The following CUX1 variants were observed in gnomAD, a reference collection of about 807,000 sequenced individuals.
CUX1 encodes cut like homeobox 1, also known as protein CASP.
In CUX1, 31 loss-of-function variants were observed where a neutral mutation model predicts 158.8. The observed-to-expected ratio is 0.20, with a 90% CI of 0.15 to 0.26. The LOEUF is 0.26. Ranked by LOEUF, CUX1 falls within the 10% of genes least tolerant of loss-of-function variation. CUX1 has a pLI of 1.00. For synonymous variants in CUX1, 879 were observed against 862.1 expected (o/e 1.02, Z -0.34); for missense variants, 1,589 against 2,014.6 (o/e 0.79, Z 4.04).
intron 8 of CUX1, among the ~76,000 whole-genome samples, chr7:102,121,325 G>T (rs1271160401): frequency 6.7e-6 from 1 of 149,986 alleles, no homozygotes; most frequent in Non-Finnish European, 1.5e-5. Flanking sequence ...GTGCCACCAT[G>T]CCTGGCTAAT....
At chr7:102,200,756 G>A (rs1263089230) in intron 17 of CUX1, among the ~76,000 whole-genome samples, 5 of 151,830 alleles carry the variant, frequency 3.3e-5, no homozygotes, top group East Asian at 1.9e-4. Flanking sequence ...GAGGTCAGGC[G>A]CGGTGGCTCA....
chr7:102,278,644 TAAA>T (rs1791796087), intron 18 of CUX1, among the ~76,000 whole-genome samples: 2 of 59,770 alleles, frequency 3.3e-5, no homozygotes, highest in Non-Finnish European at 6.5e-5. Flanking sequence ...TAAAATAAAA[TAAA>T]ATAAAATAAA....
intron 1 of CUX1, among the ~76,000 whole-genome samples, chr7:101,856,750 T>C (rs1424404508): frequency 6.6e-6 from 1 of 152,050 alleles, no homozygotes; most frequent in South Asian, 2.1e-4. Flanking sequence ...TCACGAGGAG[T>C]TGACAGGTTT....
Position 101,890,987 on chromosome 7 carries a change from A to AT in CUX1, c.31-25118dup, listed in dbSNP as rs1265923093. 3.4e-4 allele frequency among the ~76,000 whole-genome samples: 48 copies of AT among 143,206 alleles called. 1 individual carries two copies. Among genetic ancestry groups the AT allele is most frequent in the African/African-American group, 8.0e-4 (31 of 38,764 alleles). 93.9% of individuals were successfully genotyped at this position (143,206 alleles called of 152,430 possible). A position where few individuals can be genotyped will look rare whatever the true frequency, so the allele number is the denominator to read the frequency against. ...GTTTAGTGTTAGATCACTTAGCAGG[A>AT]TTTTTTTTTTGAGCGGGGGCGGGGG... is the stretch of plus-strand genomic sequence containing the variant. On this transcript the variant is annotated intron_variant, in intron 1 of 23. Coordinates refer to ENST00000292535, the MANE Select transcript of CUX1 (RefSeq NM_181552.4).
intron 1 of CUX1, among the ~76,000 whole-genome samples, chr7:101,886,149 C>G (rs1800201288): frequency 6.6e-6 from 1 of 152,134 alleles, no homozygotes; most frequent in African/African-American, 2.4e-5. Flanking sequence ...GTCGGTGCCT[C>G]TTAGATGTCT....
chr7:102,201,800 G>C lies in CUX1; in HGVS notation c.2503G>C (p.Ala835Pro), dbSNP rs782292914. Residue 835 changes from alanine to proline, a missense_variant, in exon 18 of 24, where the codon GCC becomes CCC. Transcript: ENST00000292535. This position sits in a 1 kb window ranked among gnomAD's most constrained non-coding sequence, Gnocchi z 5.0. ...WSAVQPERRN[A>P]ASSEEAKAEE... is the part of the protein sequence containing the mutation. ...CGCGGTGCAGCCGGAGAGAAGAAAT[G>C]CCGCCTCCTCCGAGGAGGCCAAGGC... The C allele has an allele frequency of 6.2e-7, 1 of 1,612,842 alleles. No individual in the cohort carries two copies. The highest frequency in any genetic ancestry group is 8.5e-7 in the Non-Finnish European group (1 of 1,179,920).
intron 1 of CUX1, among the ~76,000 whole-genome samples, chr7:101,909,520 G>A (rs1426832359): frequency 1.3e-5 from 2 of 152,178 alleles, no homozygotes; most frequent in Non-Finnish European, 2.9e-5. Flanking sequence ...AAATAAAATG[G>A]TCTTAGGACC....
At chr7:102,110,476 C>T (rs782785227) in intron 6 of CUX1, among the ~76,000 whole-genome samples, 32 of 152,070 alleles carry the variant, frequency 2.1e-4, no homozygotes, top group African/African-American at 7.2e-4. Flanking sequence ...GTTCATGTTA[C>T]GCTCTAGTGT....
chr7:101,996,503 G>GC (rs1218399648), intron 2 of CUX1, among the ~76,000 whole-genome samples: 2 of 152,072 alleles, frequency 1.3e-5, no homozygotes, highest in East Asian at 3.9e-4. Context: ...CATGGAGGGG[G>GC]CCCCGAGCAG....
At chr7:101,880,258 T>C (rs1799576485) in intron 1 of CUX1, among the ~76,000 whole-genome samples, 1 of 152,184 alleles carries the variant, frequency 6.6e-6, no homozygotes, top group Non-Finnish European at 1.5e-5. Context: ...CTCTTCCTGC[T>C]CGTTCACTGT....
intron 1 of CUX1, among the ~76,000 whole-genome samples, chr7:101,851,586 G>A (rs1223363282): frequency 2.0e-5 from 3 of 152,218 alleles, no homozygotes; most frequent in Non-Finnish European, 4.4e-5. Context: ...CCTGCAGAAT[G>A]GGAAAGATTT....
chr7:101,992,377 G>A (rs535413981), intron 2 of CUX1, among the ~76,000 whole-genome samples: 102 of 152,274 alleles, frequency 6.7e-4, no homozygotes, highest in Admixed American at 2.2e-3. Context: ...AAGGTTGAAA[G>A]TGGCCAACTT....
At chr7:101,837,522 T>C (rs1250486485) in intron 1 of CUX1, among the ~76,000 whole-genome samples, 2 of 152,224 alleles carry the variant, frequency 1.3e-5, no homozygotes, top group Admixed American at 1.3e-4. Flanking sequence ...CCAGTTGTTC[T>C]ATCATGTTAA....
At chr7:102,018,857 A>G (rs1249957135) in intron 2 of CUX1, among the ~76,000 whole-genome samples, 1 of 152,204 alleles carries the variant, frequency 6.6e-6, no homozygotes, top group Non-Finnish European at 1.5e-5. Context: ...GAGTGAGGCT[A>G]TCATCACACA....
At chr7:102,162,280 T>C (rs1348440284) in intron 9 of CUX1, among the ~76,000 whole-genome samples, 3 of 152,100 alleles carry the variant, frequency 2.0e-5, no homozygotes, top group Non-Finnish European at 4.4e-5. Context: ...GGAAACTTTT[T>C]TGTTTTTGCT....
At chr7:102,020,835 G>A (rs529888306) in intron 2 of CUX1, among the ~76,000 whole-genome samples, 13 of 151,480 alleles carry the variant, frequency 8.6e-5, no homozygotes, top group Non-Finnish European at 1.5e-4. Flanking sequence ...AGCTGAGATC[G>A]CGCCACTGCA....
chr7:101,891,006 G>A (rs1359290679), intron 1 of CUX1, among the ~76,000 whole-genome samples: 1 of 151,842 alleles, frequency 6.6e-6, no homozygotes, highest in East Asian at 1.9e-4. Flanking sequence ...TTGAGCGGGG[G>A]CGGGGGGAAT....
intron 2 of CUX1, among the ~76,000 whole-genome samples, chr7:101,971,038 C>G (rs1811884894): frequency 6.6e-6 from 1 of 152,230 alleles, no homozygotes; most frequent in Non-Finnish European, 1.5e-5. Flanking sequence ...TGAGCACGTT[C>G]ACATGTATCT....
At chr7:102,051,355 A>C (rs1823471341) in intron 3 of CUX1, among the ~76,000 whole-genome samples, 1 of 152,106 alleles carries the variant, frequency 6.6e-6, no homozygotes, top group Non-Finnish European at 1.5e-5. Flanking sequence ...GTTTGAAAAA[A>C]AAAAAAATAG....
Sources: allele counts gnomAD v4.1 joint callset (sites outside exome capture counted in the v4.1 genomes callset), GRCh38; gene constraint gnomAD v4.1.1; non-coding constraint Gnocchi (gnomAD v3.1); transcripts MANE v1.5; gene names NCBI Gene and HGNC (gene_info 2026-07-23, HGNC 2026-07-21).